Variants in PDSS2 observed in about 807,000 individuals in gnomAD.
PDSS2 encodes decaprenyl diphosphate synthase subunit 2, also known as all trans-polyprenyl-diphosphate synthase PDSS2.
Under a neutral mutation model 44.5 loss-of-function variants are expected in PDSS2, and 31 were observed. The observed-to-expected ratio is 0.70, with a 90% CI of 0.52 to 0.94. PDSS2 has a LOEUF of 0.94. Ranked by LOEUF, PDSS2 falls within the 40% of genes least tolerant of loss-of-function variation. The probability of loss-of-function intolerance (pLI) is 0.00; values close to 1 mark genes in which losing one functional copy is unlikely to be tolerated. For synonymous variants in PDSS2, 157 were observed against 180.3 expected (o/e 0.87, Z 1.03); for missense variants, 452 against 482.2 (o/e 0.94, Z 0.59).
In PDSS2 at chr6:107,153,901, C is replaced by T. The variant is rs571913574; in HGVS notation, c.*718G>A. 12 of 152,504 alleles carry T rather than the reference C, an allele frequency of 7.9e-5. No individual in the cohort carries two copies. The highest frequency in any genetic ancestry group is 2.9e-4 in the African/African-American group (12 of 41,518). 9.4% of individuals were successfully genotyped at this position (152,504 alleles called of 1,614,324 possible). A position where few individuals can be genotyped will look rare whatever the true frequency, so the allele number is the denominator to read the frequency against. On this transcript the variant is annotated 3_prime_UTR_variant, in exon 8 of 8. Coordinates refer to ENST00000369037, the MANE Select transcript of PDSS2 (RefSeq NM_020381.4). ...GACTAGCCTGACCAACATAGTGAAACCCCATCTCTACTAAAAATACAAAAT... is the reference window on the plus strand; with the variant it reads ...GACTAGCCTGACCAACATAGTGAAATCCCATCTCTACTAAAAATACAAAAT...
chr6:107,365,084 T>C (rs1260814513), intron 1 of PDSS2, among the ~76,000 whole-genome samples: 1 of 152,064 alleles, frequency 6.6e-6, no homozygotes, highest in Non-Finnish European at 1.5e-5. Context: ...GTGTAAAAAA[T>C]AGTGAATAGG....
At position 107,237,520 on chromosome 6, in the gene PDSS2, G is replaced by C. The variant is rs111248401; in HGVS notation, c.702+8028C>G. On this transcript the variant is annotated intron_variant, in intron 4 of 7. Transcript: ENST00000369037. ...GGCCTCCCAAAGTGCTGGGATTACA[G>C]GCATGAGTCACCGTACCTGGCCCTG... 5.1e-3 allele frequency among the ~76,000 whole-genome samples: 776 copies of C among 152,060 alleles called. 6 individuals carry two copies. Among genetic ancestry groups the C allele is most frequent in the African/African-American group, 0.018 (750 of 41,488 alleles).
intron 7 of PDSS2, among the ~76,000 whole-genome samples, chr6:107,172,750 T>C (rs1471559777): frequency 6.6e-6 from 1 of 151,704 alleles, no homozygotes; most frequent in Non-Finnish European, 1.5e-5. Context: ...CAAGTCATAA[T>C]AAAACACACA....
At position 107,225,333 on chromosome 6, in the gene PDSS2, C is replaced by G. The variant is rs577998494; in HGVS notation, c.703-13051G>C. On this transcript the variant is annotated intron_variant, in intron 4 of 7. Coordinates refer to ENST00000369037, the MANE Select transcript of PDSS2 (RefSeq NM_020381.4). ...GATTACAGATGTGTGCCACCATGCC[C>G]GGCTAATTTTTGTATCACTGTATTG... 7.3e-5 allele frequency among the ~76,000 whole-genome samples: 11 copies of G among 150,592 alleles called. No homozygotes were observed. The South Asian group carries it at 2.3e-3, about 32-fold the overall frequency.
intron 1 of PDSS2, among the ~76,000 whole-genome samples, chr6:107,357,727 T>C (rs1221049807): frequency 1.3e-5 from 2 of 152,174 alleles, no homozygotes; most frequent in Non-Finnish European, 2.9e-5. Flanking sequence ...CAACCGTTAT[T>C]CTCTGGCAAT....
intron 1 of PDSS2, among the ~76,000 whole-genome samples, chr6:107,419,063 G>A (rs1342220292): frequency 6.6e-6 from 1 of 151,562 alleles, no homozygotes; most frequent in African/African-American, 2.4e-5. Flanking sequence ...GAGTACAAAT[G>A]TCATGCCTTC....
rs537651283 is a variant in PDSS2, at chr6:107,425,940, G to A, written c.296+33050C>T. ...TGCGCCACTGCACTCCAGCCTGGGCGACAGAGCGAGACTTCGTCTCGAAAA... is the reference window on the plus strand; with the variant it reads ...TGCGCCACTGCACTCCAGCCTGGGCAACAGAGCGAGACTTCGTCTCGAAAA... On this transcript the variant is annotated intron_variant, in intron 1 of 7. Transcript: ENST00000369037. Among the ~76,000 whole-genome samples the A allele has an allele frequency of 8.9e-4, 133 of 150,152 alleles. 1 individual carries two copies. Among genetic ancestry groups the A allele is most frequent in the Non-Finnish European group, 1.3e-3 (91 of 67,784 alleles).
intron 6 of PDSS2, among the ~76,000 whole-genome samples, chr6:107,205,330 T>C (rs1274431483): frequency 6.6e-6 from 1 of 152,188 alleles, no homozygotes; most frequent in African/African-American, 2.4e-5. Flanking sequence ...TAACCATAAT[T>C]CTTATTTCTT....
At chr6:107,230,680 TTTC>T (rs1184206390) in intron 4 of PDSS2, among the ~76,000 whole-genome samples, 1 of 151,776 alleles carries the variant, frequency 6.6e-6, no homozygotes, top group Non-Finnish European at 1.5e-5. Flanking sequence ...AGGGCATGTT[TTTC>T]TCATAGTGAT....
chr6:107,443,796 A>G (rs1781581976), intron 1 of PDSS2, among the ~76,000 whole-genome samples: 1 of 152,126 alleles, frequency 6.6e-6, no homozygotes, highest in Admixed American at 6.5e-5. Flanking sequence ...CATCTCTGGT[A>G]GTCTTCCATT....
In PDSS2 at chr6:107,372,983, CTTT is replaced by C. The variant is rs11330558; in HGVS notation, c.297-38654_297-38652del. ...ATTTTTGCCTGACAAGTCTAATAAT[CTTT>C]TTTTTTTTTTTTTTTTAAGACAGAG... On this transcript the variant is annotated intron_variant, in intron 1 of 7. Transcript: ENST00000369037. Among the ~76,000 whole-genome samples, 334 of 136,006 alleles carry C rather than the reference CTTT, an allele frequency of 2.5e-3. 1 individual carries two copies. Among genetic ancestry groups the C allele is most frequent in the African/African-American group, 7.6e-3 (275 of 36,240 alleles). 89.2% of individuals were successfully genotyped at this position (136,006 alleles called of 152,430 possible).
intron 1 of PDSS2, among the ~76,000 whole-genome samples, chr6:107,417,617 G>C (rs1562526264): frequency 6.6e-6 from 1 of 152,062 alleles, no homozygotes; most frequent in African/African-American, 2.4e-5. Context: ...AAAATTAGCT[G>C]GGCACGGTGG....
chr6:107,398,265 T>C (rs1456788983), intron 1 of PDSS2, among the ~76,000 whole-genome samples: 1 of 152,200 alleles, frequency 6.6e-6, no homozygotes, highest in Non-Finnish European at 1.5e-5. Context: ...ATAAGAAAAT[T>C]CAGCTGTCTC....
rs971620272 is a variant in PDSS2, at chr6:107,246,071, T to C, written c.631-452A>G. ...AAAAGAATGGATAATCTTTCAAATA[T>C]GTTCATTCTGTTACACTTAAAATGC... On this transcript the variant is annotated intron_variant, in intron 3 of 7. Transcript: ENST00000369037. 3.3e-5 allele frequency among the ~76,000 whole-genome samples: 5 copies of C among 152,174 alleles called. No individual in the cohort carries two copies. The East Asian group carries it at 9.6e-4, about 29-fold the overall frequency.
At chr6:107,374,970 T>A (rs974586441) in intron 1 of PDSS2, among the ~76,000 whole-genome samples, 3 of 152,102 alleles carry the variant, frequency 2.0e-5, no homozygotes, top group African/African-American at 7.2e-5. Context: ...CCCCAAATAT[T>A]TGAAAATTAA....
At chr6:107,390,347 T>C (rs1378027778) in intron 1 of PDSS2, among the ~76,000 whole-genome samples, 1 of 152,124 alleles carries the variant, frequency 6.6e-6, no homozygotes, top group Non-Finnish European at 1.5e-5. Context: ...AATTCATCTC[T>C]GTATCATTCT....
At chr6:107,412,177 C>T (rs1398915787) in intron 1 of PDSS2, among the ~76,000 whole-genome samples, 3 of 148,000 alleles carry the variant, frequency 2.0e-5, no homozygotes, top group South Asian at 2.2e-4. Context: ...CGTCAGCCAC[C>T]GCGCCTGGCA....
At chr6:107,426,553 T>C (rs1341774183) in intron 1 of PDSS2, among the ~76,000 whole-genome samples, 1 of 152,092 alleles carries the variant, frequency 6.6e-6, no homozygotes, top group Non-Finnish European at 1.5e-5. Flanking sequence ...CCCAGAACGG[T>C]AGATCCACTG....
In PDSS2 at chr6:107,434,755, T is replaced by C. The variant is rs112109139; in HGVS notation, c.296+24235A>G. Among the ~76,000 whole-genome samples, 1,400 of 152,272 alleles carry C rather than the reference T, an allele frequency of 9.2e-3. 17 individuals are homozygous for C. The highest frequency in any genetic ancestry group is 0.029 in the African/African-American group (1,200 of 41,562). On this transcript the variant is annotated intron_variant, in intron 1 of 7. Transcript: ENST00000369037. ...AATAATTAAAAGAGTATTACTAGAA[T>C]GTTTGTATCACAAAGAAATAACAAA...
Sources: gnomAD v4.1 joint callset for allele counts (sites outside exome capture counted in the v4.1 genomes callset) on GRCh38, gnomAD v4.1.1 for gene constraint, MANE v1.5 for transcripts, NCBI Gene and HGNC (gene_info 2026-07-23, HGNC 2026-07-21) for gene names.